Variants in TAF1 observed in about 807,000 individuals in gnomAD.
TAF1 encodes transcription initiation factor TFIID subunit 1.
TAF1 carries 2 observed loss-of-function variants against 138.5 expected under a neutral mutation model. The ratio of observed to expected loss-of-function variants is 0.01; its 90% CI spans 0.01 to 0.05. The LOEUF (loss-of-function observed/expected upper bound fraction) is 0.05. Among genes scored for constraint, TAF1 ranks in the 10% least tolerant of loss-of-function variants. The probability of loss-of-function intolerance (pLI) is 1.00; values close to 1 mark genes in which losing one functional copy is unlikely to be tolerated. For synonymous variants in TAF1, 437 were observed against 503.2 expected, an observed-to-expected ratio of 0.87 and a Z score of 1.76; for missense variants, 709 against 1,478.0, an observed-to-expected ratio of 0.48 and a Z score of 8.53.
rs183342020 is a variant in TAF1, at chrX:71,459,278, G to A, written c.5065-274G>A. 5.3e-5 allele frequency: 60 copies of A among 1,131,951 alleles called. No individual in the cohort carries two copies. The East Asian group carries it at 1.8e-3, about 34-fold the overall frequency. The allele number at this position is 1,131,951 out of a possible 1,213,427, so 93.3% of individuals were successfully genotyped here. On this transcript the variant is annotated intron_variant, in intron 35 of 37. Transcript: ENST00000423759. ...TGAGTATGCTTATAGAAAGCTTATG[G>A]TTACGTTATGCCCTTATATGATAGG...
chrX:71,447,208 A>G lies in TAF1; in HGVS notation c.4754-6962A>G, dbSNP rs934986697. Among the ~76,000 whole-genome samples, 9 of 110,975 alleles carry G rather than the reference A, an allele frequency of 8.1e-5. No homozygotes were observed. The Admixed American group carries it at 8.7e-4, about 11-fold the overall frequency. Reference sequence around the variant, plus strand: ...CACATTGGAACAAATGCATATCCTCACACCATCCACTGTCAAGATAATAAT... The same window carrying G: ...CACATTGGAACAAATGCATATCCTCGCACCATCCACTGTCAAGATAATAAT... On this transcript the variant is annotated intron_variant, in intron 32 of 37. Transcript: ENST00000423759.
chrX:71,393,885 A>G (rs1478137569), intron 21 of TAF1, among the ~76,000 whole-genome samples, 182 bp from the exon 22 acceptor site: 5 of 112,148 alleles, frequency 4.5e-5, no homozygotes, highest in Non-Finnish European at 9.4e-5. Context: ...AGTTACTACA[A>G]TTTTTCAAAC....
At chrX:71,404,519 T>C (rs1276422968) in intron 25 of TAF1, among the ~76,000 whole-genome samples, 3 of 110,511 alleles carry the variant, frequency 2.7e-5, no homozygotes, top group Non-Finnish European at 5.7e-5. Flanking sequence ...GTATTTTTAG[T>C]AGAGACAGGG....
intron 13 of TAF1, among the ~76,000 whole-genome samples, chrX:71,483,740 ATCTCTCTCTCTC>A (rs1167670247): frequency 3.5e-4 from 22 of 62,387 alleles, no homozygotes; most frequent in Middle Eastern, 0.014. Flanking sequence ...TATTGTGAAC[ATCTCTCTCTCTC>A]TCTCTCTCTC....
At chrX:71,484,237 A>T (rs1462332069) in intron 13 of TAF1, among the ~76,000 whole-genome samples, 1 of 111,516 alleles carries the variant, frequency 9.0e-6, no homozygotes, top group African/African-American at 3.3e-5. Flanking sequence ...ACAATGTTTG[A>T]GTCTCCTGGA....
intron 32 of TAF1, among the ~76,000 whole-genome samples, chrX:71,443,462 G>T (rs991209805): frequency 9.0e-6 from 1 of 110,928 alleles, no homozygotes; most frequent in Non-Finnish European, 1.9e-5. Context: ...GCTCTCTGTT[G>T]GTCTGTTATT....
intron 13 of TAF1, among the ~76,000 whole-genome samples, chrX:71,512,014 CAAA>C (rs776364300): frequency 9.1e-5 from 7 of 77,112 alleles, no homozygotes; most frequent in Admixed American, 4.5e-4. Flanking sequence ...GACCTTGTCT[CAAA>C]AAAAAAAAAA....
intron 13 of TAF1, among the ~76,000 whole-genome samples, chrX:71,479,773 A>G (rs1260507767): frequency 9.0e-6 from 1 of 111,406 alleles, no homozygotes; most frequent in Non-Finnish European, 1.9e-5. Flanking sequence ...TTTATCTACC[A>G]TAAATGTCAG....
intron 13 of TAF1, among the ~76,000 whole-genome samples, chrX:71,508,086 C>CTCTCTCTATATATATATATATATA (rs4040068): frequency 4.3e-5 from 4 of 92,181 alleles, no homozygotes; most frequent in African/African-American, 1.7e-4. Flanking sequence ...CTCTCTCTCT[C>CTCTCTCTATATATATATATATATA]TATATATATA....
Position 71,394,197 on chromosome X carries a change from C to T in TAF1, c.3358C>T (p.Arg1120Cys). ...CAAGAAAACCAGCTCTCAGCTTTCA[C>T]GTGAACGGGAGGAACAGGAGCGGAA... ...QNKKTSSQLS[R>C]EREEQERKEL... The change falls in exon 22 of 38, where the codon CGT becomes TGT. Residue 1120 changes from arginine (R) to cysteine (C), a missense_variant. Physicochemically the swap from Arg to Cys is radical, Grantham distance 180. Around this residue, in one of 14 missense-constraint regions of TAF1, gnomAD observed 31 missense variants for 52.2 expected, o/e 0.59. Transcript: ENST00000423759. 1 of 1,211,673 alleles carries T rather than the reference C, an allele frequency of 8.3e-7. No homozygotes were observed. The highest frequency in any genetic ancestry group is 1.1e-6 in the Non-Finnish European group (1 of 895,466).
intron 32 of TAF1, among the ~76,000 whole-genome samples, chrX:71,439,741 T>C (rs1299836993): frequency 8.9e-6 from 1 of 112,077 alleles, no homozygotes; most frequent in Non-Finnish European, 1.9e-5. Context: ...TTCTGTAATT[T>C]GCTCTTTTTT....
chrX:71,447,775 TC>T (rs1221717537), intron 32 of TAF1, among the ~76,000 whole-genome samples: 3 of 110,231 alleles, frequency 2.7e-5, no homozygotes, highest in African/African-American at 9.9e-5. Flanking sequence ...GCGTTTCTTC[TC>T]ACATCACCAT....
At chrX:71,368,194 G>C in intron 3 of TAF1, 24 bp downstream of exon 3, 1 of 1,188,278 alleles carries the variant, frequency 8.4e-7, no homozygotes, top group Non-Finnish European at 1.1e-6. Context: ...GTATTGGCTT[G>C]AACATTCCAG....
intron 34 of TAF1, among the ~76,000 whole-genome samples, chrX:71,455,227 A>G (rs368683627): frequency 6.3e-5 from 7 of 111,365 alleles, no homozygotes; most frequent in East Asian, 2.8e-4. Context: ...GACATGGGCC[A>G]TATTGTTCCT....
chrX:71,398,481 TC>T, intron 23 of TAF1, 90 bp from the exon 24 acceptor site: 1 of 1,105,057 alleles, frequency 9.0e-7, no homozygotes, highest in Non-Finnish European at 1.2e-6. Flanking sequence ...ATTACTTTAG[TC>T]CTGAGATGTT....
At chrX:71,389,862 TTTTG>T in intron 18 of TAF1, 197 bp downstream of exon 18, 1 of 305,701 alleles carries the variant, frequency 3.3e-6, no homozygotes. Flanking sequence ...GTTTGTTTTT[TTTTG>T]TTTGTTTTGT....
At chrX:71,409,763 A>C (rs2148500353) in intron 28 of TAF1, among the ~76,000 whole-genome samples, 1 of 111,266 alleles carries the variant, frequency 9.0e-6, no homozygotes, top group Admixed American at 9.7e-5. Flanking sequence ...CCCCTGCCAC[A>C]CTCAGCATTA....
intron 13 of TAF1, among the ~76,000 whole-genome samples, chrX:71,472,171 AT>A (rs1257692843): frequency 9.0e-6 from 1 of 111,354 alleles, no homozygotes; most frequent in Non-Finnish European, 1.9e-5. Flanking sequence ...AACTTTTTGT[AT>A]TTTTTTAATA....
chrX:71,394,813 A>T, intron 22 of TAF1, among the ~76,000 whole-genome samples: 1 of 109,414 alleles, frequency 9.1e-6, no homozygotes, highest in Non-Finnish European at 1.9e-5. Context: ...TGTATTTTGT[A>T]TTCCTCCTGC....
Sources: allele counts gnomAD v4.1 joint callset (sites outside exome capture counted in the v4.1 genomes callset), GRCh38; gene constraint gnomAD v4.1.1; regional missense constraint gnomAD v4.1.1; transcripts MANE v1.5; gene names NCBI Gene and HGNC (gene_info 2026-07-23, HGNC 2026-07-21).